WRN: variants seen among roughly 807,000 people sequenced by gnomAD.
WRN encodes WRN RecQ like helicase, also known as bifunctional 3'-5' exonuclease/ATP-dependent helicase WRN.
WRN carries 149 observed loss-of-function variants against 180.7 expected under a neutral mutation model. The observed-to-expected ratio is 0.82, with a 90% confidence interval of 0.72 to 0.94. The LOEUF (loss-of-function observed/expected upper bound fraction) is 0.94, where lower values mean the gene tolerates loss of function less well. Ranked by LOEUF, WRN falls within the 40% of genes least tolerant of loss-of-function variation. WRN has a pLI of 0.00. For missense variants in WRN, 1,661 were observed against 1,700.1 expected, an observed-to-expected ratio of 0.98 and a Z score of 0.40; for synonymous variants, 548 against 568.9, an observed-to-expected ratio of 0.96 and a Z score of 0.52.
rs566096134 is a variant in WRN, at chr8:31,092,767, A to G, written c.1898+869A>G. On this transcript the variant is annotated intron_variant, in intron 16 of 34. Transcript: ENST00000298139. ...ATGTCCCTCCCCAGTCTGTCCTTCC[A>G]TCCTCCATCCTAGGCAAGCCACTGC... Among the ~76,000 whole-genome samples, 60 of 152,122 alleles carry G rather than the reference A, an allele frequency of 3.9e-4. 1 individual carries two copies. Among genetic ancestry groups the G allele is most frequent in the Non-Finnish European group, 6.9e-4 (47 of 67,974 alleles).
rs1801889768 is a variant in WRN, at chr8:31,125,537, G to GATATATATATATATATATATGTAT, written c.2825+557_2825+558insGTATATATATATATATATATATAT. Among the ~76,000 whole-genome samples, 2 of 63,766 alleles carry GATATATATATATATATATATGTAT rather than the reference G, an allele frequency of 3.1e-5. 1 individual carries two copies. Among genetic ancestry groups the GATATATATATATATATATATGTAT allele is most frequent in the Non-Finnish European group, 6.1e-5 (2 of 33,040 alleles). The allele number at this position is 63,766 out of a possible 152,430, so 41.8% of individuals were successfully genotyped here. On this transcript the variant is annotated intron_variant, in intron 23 of 34. Transcript: ENST00000298139. ...GAAATAGGACGATTGATATTATGGA[G>GATATATATATATATATATATGTAT]ATATATATATATATATATATATATA...
chr8:31,085,849 T>G (rs1453019040), intron 11 of WRN, among the ~76,000 whole-genome samples: 1 of 152,138 alleles, frequency 6.6e-6, no homozygotes, highest in Non-Finnish European at 1.5e-5. Context: ...GTATTGAAAT[T>G]GAGTTTCCTT....
In WRN at chr8:31,143,582, A is replaced by G. The variant is rs1585517829; in HGVS notation, c.3342A>G (p.Pro1114=). ...TGGAGAAGTTATATTCTTATAAACC[A>G]TGTGATAAGATTTCTTCTGGGAGTA... is the stretch of plus-strand genomic sequence containing the variant. ...SNLEKLYSYK[P]CDKISSGSNI... The change falls in exon 28 of 35, where the codon CCA becomes CCG. Residue 1114 remains proline, a synonymous_variant. Transcript: ENST00000298139. The G allele has an allele frequency of 1.3e-6, 2 of 1,590,878 alleles. No individual in the cohort carries two copies. Among genetic ancestry groups the G allele is most frequent in the African/African-American group, 2.7e-5 (2 of 74,512 alleles).
intron 21 of WRN, among the ~76,000 whole-genome samples, chr8:31,122,900 C>T (rs142893115): frequency 0.017 from 1,558 of 90,436 alleles, 31 homozygotes; most frequent in African/African-American, 0.06. Context: ...AGGAGGGGAA[C>T]GAGGTGAACT....
intron 20 of WRN, among the ~76,000 whole-genome samples, chr8:31,119,057 G>A (rs1801621700): frequency 6.6e-6 from 1 of 151,892 alleles, no homozygotes; most frequent in South Asian, 2.1e-4. Context: ...AAAAATTGCT[G>A]AGTCTTATTC....
chr8:31,076,480 C>T (rs1264345568), intron 8 of WRN, among the ~76,000 whole-genome samples, 193 bp downstream of exon 8: 1 of 151,862 alleles, frequency 6.6e-6, no homozygotes, highest in African/African-American at 2.4e-5. Context: ...AAGGTTTAAG[C>T]CTTTTCTGTC....
rs1486892174 is a variant in WRN, at chr8:31,175,644, C to T, written c.*2542C>T. ...CAATGTCCACCATTATCTGAACAGG[C>T]TATTAAAATACTCTTCTCTTTTCCA... On this transcript the variant is annotated 3_prime_UTR_variant, in exon 35 of 35. Coordinates refer to ENST00000298139, the MANE Select transcript of WRN (RefSeq NM_000553.6). Among the ~76,000 whole-genome samples the T allele has an allele frequency of 2.0e-5, 3 of 152,138 alleles. No homozygotes were observed. In the East Asian group the frequency reaches 5.8e-4, roughly 29 times the overall value.
intron 15 of WRN, among the ~76,000 whole-genome samples, chr8:31,091,444 A>G (rs1016797022): frequency 6.6e-6 from 1 of 152,086 alleles, no homozygotes; most frequent in Non-Finnish European, 1.5e-5. Flanking sequence ...AACATTTATC[A>G]TTTCTTTGTG....
At chr8:31,130,025 C>A (rs77750188) in intron 23 of WRN, among the ~76,000 whole-genome samples, 3,374 of 58,038 alleles carry the variant, frequency 0.058, 146 homozygotes, top group African/African-American at 0.11. Flanking sequence ...CAAAACAAAA[C>A]AAAAAAAAAA....
chr8:31,107,438 C>T (rs949408881), intron 18 of WRN, among the ~76,000 whole-genome samples: 3 of 152,152 alleles, frequency 2.0e-5, no homozygotes, highest in African/African-American at 7.2e-5. Context: ...GTCATTGGAT[C>T]ATTTTCATTT....
chr8:31,130,004 C>CAAAAAAAA (rs374855114), intron 23 of WRN, among the ~76,000 whole-genome samples: 10 of 78,060 alleles, frequency 1.3e-4, no homozygotes, highest in African/African-American at 4.6e-4. Flanking sequence ...ACTCTTGTCT[C>CAAAAAAAA]AAAAAAAAAA....
intron 3 of WRN, among the ~76,000 whole-genome samples, chr8:31,063,830 C>A (rs949434166): frequency 1.3e-5 from 2 of 152,108 alleles, no homozygotes; most frequent in Non-Finnish European, 1.5e-5. Flanking sequence ...CTCAAGTGAT[C>A]CTCCTGCCTC....
intron 30 of WRN, among the ~76,000 whole-genome samples, chr8:31,148,647 C>T (rs527483985): frequency 2.0e-4 from 31 of 152,210 alleles, no homozygotes; most frequent in Admixed American, 4.6e-4. Context: ...TACTATTTCT[C>T]GCTTTATTAC....
chr8:31,103,556 A>G (rs963542085), intron 18 of WRN, among the ~76,000 whole-genome samples: 3 of 109,904 alleles, frequency 2.7e-5, no homozygotes, highest in African/African-American at 8.9e-5. Flanking sequence ...TAAGTACCAC[A>G]TGACTATTTT....
At chr8:31,153,856 T>C (rs544584524) in intron 31 of WRN, among the ~76,000 whole-genome samples, 1 of 152,300 alleles carries the variant, frequency 6.6e-6, no homozygotes, top group Admixed American at 6.5e-5. Context: ...ATACATAATA[T>C]AGTAGAACAC....
At chr8:31,052,219 C>T (rs1435042359) in intron 1 of WRN, among the ~76,000 whole-genome samples, 1 of 151,914 alleles carries the variant, frequency 6.6e-6, no homozygotes, top group East Asian at 1.9e-4. Context: ...TACTTTTGTC[C>T]CCTGATTGTT....
chr8:31,120,345 G>A lies in WRN; in HGVS notation c.2551G>A (p.Glu851Lys). 4 of 1,612,934 alleles carry A rather than the reference G, an allele frequency of 2.5e-6. No homozygotes were observed. The highest frequency in any genetic ancestry group is 3.4e-6 in the Non-Finnish European group (4 of 1,179,130). ...APKDMESYYQEIGRAGRDGLQ... is the reference protein window; with the variant it reads ...APKDMESYYQKIGRAGRDGLQ... ...TAAGGACATGGAATCATATTATCAG[G>A]AGATTGGTAGAGCTGGTCGTGATGG... Residue 851 changes from glutamate (E) to lysine (K), a missense_variant, in exon 21 of 35, where the codon GAG becomes AAG. Glu to Lys is a moderately conservative substitution (Grantham distance 56, BLOSUM62 1). Around this residue, in one of 3 missense-constraint regions of WRN, gnomAD observed 1,141 missense variants for 1,149.4 expected, o/e 0.99. Coordinates refer to ENST00000298139, the MANE Select transcript of WRN (RefSeq NM_000553.6).
intron 31 of WRN, among the ~76,000 whole-genome samples, chr8:31,151,476 C>G (rs1338941272): frequency 6.6e-6 from 1 of 152,074 alleles, no homozygotes; most frequent in African/African-American, 2.4e-5. Context: ...CTTTTTCATA[C>G]TCTTATATAA....
At chr8:31,152,136 C>G (rs1488766266) in intron 31 of WRN, among the ~76,000 whole-genome samples, 9 of 151,884 alleles carry the variant, frequency 5.9e-5, no homozygotes, top group Admixed American at 1.3e-4. Flanking sequence ...GCAAAGTAAT[C>G]TGAAATAATA....
Sources: gnomAD v4.1 joint callset for allele counts (sites outside exome capture counted in the v4.1 genomes callset) on GRCh38, gnomAD v4.1.1 for gene constraint, gnomAD v4.1.1 regional missense constraint, MANE v1.5 for transcripts, NCBI Gene and HGNC (gene_info 2026-07-23, HGNC 2026-07-21) for gene names.